The following SMR3B variants were observed in gnomAD, a reference collection of about 807,000 sequenced individuals.
SMR3B encodes the protein submaxillary gland androgen regulated protein 3B, also known as submaxillary gland androgen-regulated protein 3B.
For synonymous variants in SMR3B, 42 were observed against 36.1 expected (o/e 1.16, Z -0.59); for missense variants, 114 against 99.9 (o/e 1.14, Z -0.60).
chr4:70,385,201 T>C (rs1425860501), intron 2 of SMR3B: 1 of 152,150 alleles, frequency 6.6e-6, no homozygotes, highest in African/African-American at 2.4e-5. Context: ...GATTTCAAAG[T>C]AGTGTTAGAT....
intron 2 of SMR3B, among the ~76,000 whole-genome samples, chr4:70,388,137 T>G (rs766779923): frequency 6.6e-6 from 1 of 152,202 alleles, no homozygotes; most frequent in South Asian, 2.1e-4. Flanking sequence ...TTTGGCATGT[T>G]CTCTCCTTAT....
intron 2 of SMR3B, 117 bp downstream of exon 2, chr4:70,384,681 C>T (rs1732627659): frequency 3.2e-6 from 5 of 1,544,628 alleles, no homozygotes; most frequent in Non-Finnish European, 3.5e-6. Context: ...TATTAATCAT[C>T]AATGAAACAC....
rs1028608618 is a variant in SMR3B at position 70,383,132 on chromosome 4, C to G, written c.-95C>G. ...AGCTAAGATTTCTTGTCCCTTTTCA[C>G]CTTTATTTGCCGTCTTTCAACTGGC... is the stretch of plus-strand genomic sequence containing the variant. On this transcript the variant is annotated 5_prime_UTR_variant, in exon 1 of 3. Transcript: ENST00000304915. 7.9e-5 allele frequency: 12 copies of G among 152,092 alleles called. No homozygotes were observed. Among genetic ancestry groups the G allele is most frequent in the African/African-American group, 1.4e-4 (6 of 41,428 alleles). The allele number at this position is 152,092 out of a possible 1,614,324, so 9.4% of individuals were successfully genotyped here. A position where few individuals can be genotyped will look rare whatever the true frequency, so the allele number is the denominator to read the frequency against.
chr4:70,388,543 T>C (rs888364327), intron 2 of SMR3B, among the ~76,000 whole-genome samples: 5 of 152,192 alleles, frequency 3.3e-5, no homozygotes, highest in African/African-American at 1.2e-4. Flanking sequence ...GGTCCTTTTA[T>C]TAACGTCATT....
At chr4:70,383,318 T>G (rs1399278803) in intron 1 of SMR3B, 106 bp downstream of exon 1, 3 of 152,120 alleles carry the variant, frequency 2.0e-5, no homozygotes, top group Admixed American at 2.0e-4. Context: ...TCATAGAACA[T>G]TCATTATCAG....
chr4:70,388,767 T>C (rs1252382984), intron 2 of SMR3B, among the ~76,000 whole-genome samples: 2 of 152,160 alleles, frequency 1.3e-5, no homozygotes, highest in East Asian at 3.9e-4. Flanking sequence ...CCACCACAGC[T>C]CCTACATTAG....
chr4:70,383,655 A>T (rs995414068), intron 1 of SMR3B, among the ~76,000 whole-genome samples: 8 of 152,182 alleles, frequency 5.3e-5, no homozygotes, highest in African/African-American at 1.9e-4. Flanking sequence ...CCACATATAT[A>T]TAATTGAATA....
At chr4:70,385,558 C>T (rs563481760) in intron 2 of SMR3B, among the ~76,000 whole-genome samples, 41 of 152,010 alleles carry the variant, frequency 2.7e-4, no homozygotes, top group Non-Finnish European at 1.8e-4. Flanking sequence ...CGCCCGCCAC[C>T]ACGGCCGGCT....
chr4:70,384,199 C>A (rs1732613385), intron 1 of SMR3B, among the ~76,000 whole-genome samples: 1 of 151,956 alleles, frequency 6.6e-6, no homozygotes, highest in African/African-American at 2.4e-5. Flanking sequence ...AAGGGAAAAA[C>A]CTTAGTCATA....
chr4:70,389,603 C>A, intron 2 of SMR3B, 60 bp from the exon 3 acceptor site: 1 of 1,529,740 alleles, frequency 6.5e-7, no homozygotes, highest in Non-Finnish European at 9.0e-7. Context: ...AGAAAGCATT[C>A]ACCCTTATAT....
rs561467895 is a variant in SMR3B, at chr4:70,389,568, GC to G, written c.55-93del. ...GCCAGCAGGGAGTAGAAATCTTGGG[GC>G]CATCTCAGAGTTCTGCTTACCACAG... On this transcript the variant is annotated intron_variant, in intron 2 of 2. Transcript: ENST00000304915. 2.5e-4 allele frequency: 319 copies of G among 1,284,876 alleles called. 1 individual carries two copies. In the East Asian group the frequency reaches 7.5e-3, roughly 30 times the overall value. 79.6% of individuals were successfully genotyped at this position (1,284,876 alleles called of 1,614,324 possible).
At chr4:70,389,567 G>C in intron 2 of SMR3B, 96 bp from the exon 3 acceptor site, 2 of 1,274,928 alleles carry the variant, frequency 1.6e-6, no homozygotes, top group Non-Finnish European at 2.2e-6. Flanking sequence ...GAAATCTTGG[G>C]GCCATCTCAG....
chr4:70,389,871 C>A lies in SMR3B; in HGVS notation c.*23C>A, dbSNP rs756314709. The A allele has an allele frequency of 1.2e-6, 2 of 1,612,106 alleles. No individual in the cohort carries two copies. Among genetic ancestry groups the A allele is most frequent in the South Asian group, 2.2e-5 (2 of 90,940 alleles). ...TAAGGTCCACCACTCCATCCTGATG[C>A]CCCAGGTTATCCACAGCCTCCTTCC... On this transcript the variant is annotated 3_prime_UTR_variant, in exon 3 of 3. Transcript: ENST00000304915.
rs1180516957 is a variant in SMR3B, at chr4:70,389,995, A to C, written c.*147A>C. ...CTGCACCCCAAATATGAACAACTGCAGCAGGTGCCACCACCACCACAAAAG... is the reference window on the plus strand; with the variant it reads ...CTGCACCCCAAATATGAACAACTGCCGCAGGTGCCACCACCACCACAAAAG... On this transcript the variant is annotated 3_prime_UTR_variant, in exon 3 of 3. Transcript: ENST00000304915. 3 of 1,489,658 alleles carry C rather than the reference A, an allele frequency of 2.0e-6. No homozygotes were observed. Among genetic ancestry groups the C allele is most frequent in the Admixed American group, 1.7e-5 (1 of 59,858 alleles). The allele number at this position is 1,489,658 out of a possible 1,614,324, so 92.3% of individuals were successfully genotyped here. A position where few individuals can be genotyped will look rare whatever the true frequency, so the allele number is the denominator to read the frequency against.
chr4:70,388,382 G>A (rs1732703664), intron 2 of SMR3B, among the ~76,000 whole-genome samples: 1 of 151,938 alleles, frequency 6.6e-6, no homozygotes, highest in Non-Finnish European at 1.5e-5. Context: ...CAAAGTGCTG[G>A]GATTACAGGC....
intron 2 of SMR3B, among the ~76,000 whole-genome samples, chr4:70,388,273 A>ATT (rs33968422): frequency 0.11 from 17,033 of 150,564 alleles, 1,079 homozygotes; most frequent in East Asian, 0.17. Context: ...CTTTTCAGCT[A>ATT]TTTTTTTTTT....
intron 2 of SMR3B, chr4:70,385,155 A>T (rs567667608): frequency 6.6e-6 from 1 of 152,348 alleles, no homozygotes; most frequent in African/African-American, 2.4e-5. Flanking sequence ...AAATGTTTTT[A>T]AAACACACGT....
intron 2 of SMR3B, 119 bp downstream of exon 2, chr4:70,384,683 A>T: frequency 3.9e-6 from 6 of 1,537,656 alleles, no homozygotes; most frequent in Non-Finnish European, 5.3e-6. Context: ...TTAATCATCA[A>T]TGAAACACTG....
Position 70,389,793 on chromosome 4 carries a change from C to T in SMR3B, c.185C>T (p.Pro62Leu), listed in dbSNP as rs868606329. 3 of 1,613,868 alleles carry T rather than the reference C, an allele frequency of 1.9e-6. No individual in the cohort carries two copies. Among genetic ancestry groups the T allele is most frequent in the Non-Finnish European group, 2.5e-6 (3 of 1,179,972 alleles). ...PPYGPGRIPP[P>L]PPAPYGPGIF... Reference sequence around the variant, plus strand: ...TATGGTCCAGGGAGAATCCCACCTCCTCCTCCCGCACCCTATGGTCCAGGG... The same window carrying T: ...TATGGTCCAGGGAGAATCCCACCTCTTCCTCCCGCACCCTATGGTCCAGGG... The change falls in exon 3 of 3, where the codon CCT becomes CTT. Residue 62 changes from proline to leucine, a missense_variant. Coordinates refer to ENST00000304915, the MANE Select transcript of SMR3B (RefSeq NM_006685.4).
Sources: gnomAD v4.1 joint callset for allele counts (sites outside exome capture counted in the v4.1 genomes callset) on GRCh38, gnomAD v4.1.1 for gene constraint, MANE v1.5 for transcripts, NCBI Gene and HGNC (gene_info 2026-07-23, HGNC 2026-07-21) for gene names.